CAPN5: variants seen among roughly 807,000 people sequenced by gnomAD.
CAPN5 encodes calpain 5.
A neutral mutation model predicts 73.0 loss-of-function variants in CAPN5; 54 were observed. The observed-to-expected ratio is 0.74, with a 90% CI of 0.59 to 0.93. The LOEUF is 0.93. Among genes scored for constraint, CAPN5 ranks in the 40% least tolerant of loss-of-function variants. The pLI is 0.00. For synonymous variants in CAPN5, 335 were observed against 356.9 expected, an observed-to-expected ratio of 0.94 and a Z score of 0.69; for missense variants, 785 against 882.9, an observed-to-expected ratio of 0.89 and a Z score of 1.41.
At chr11:77,087,023 C>G (rs1433445884) in intron 2 of CAPN5, among the ~76,000 whole-genome samples, 3 of 152,224 alleles carry the variant, frequency 2.0e-5, no homozygotes, top group Non-Finnish European at 4.4e-5. Context: ...GCAGAGCTGC[C>G]CTGCCCTGGA....
intron 3 of CAPN5, among the ~76,000 whole-genome samples, chr11:77,100,710 CTGG>C (rs1950275178): frequency 6.6e-6 from 1 of 152,354 alleles, no homozygotes; most frequent in East Asian, 1.9e-4. Context: ...GCCAGCTGCC[CTGG>C]CCAGTCACCT....
At chr11:77,084,685 C>T (rs782807388) in intron 1 of CAPN5, among the ~76,000 whole-genome samples, 167 bp from the exon 2 acceptor site, 18 of 152,172 alleles carry the variant, frequency 1.2e-4, no homozygotes, top group South Asian at 2.1e-4. Context: ...TCAGGCCGGT[C>T]GGTGTCTGTC....
Position 77,121,931 on chromosome 11 carries a change from C to T in CAPN5, c.1488-3C>T. 5 of 1,530,362 alleles carry T rather than the reference C, an allele frequency of 3.3e-6. No homozygotes were observed. The highest frequency in any genetic ancestry group is 4.4e-6 in the Non-Finnish European group (5 of 1,134,774). The allele number at this position is 1,530,362 out of a possible 1,614,324, so 94.8% of individuals were successfully genotyped here. On this transcript the variant is annotated splice_polypyrimidine_tract_variant and splice_region_variant and intron_variant, in intron 10 of 12. Transcript: ENST00000648180. Reference sequence around the variant, plus strand: ...TCCCCTCTCCCCTGCCGCCCCATATCAGGGAGCTGCGCCTGGATGAGCCCC... The same window carrying T: ...TCCCCTCTCCCCTGCCGCCCCATATTAGGGAGCTGCGCCTGGATGAGCCCC...
intron 1 of CAPN5, among the ~76,000 whole-genome samples, chr11:77,082,215 G>C (rs1950034955): frequency 6.6e-6 from 1 of 152,128 alleles, no homozygotes; most frequent in African/African-American, 2.4e-5. Flanking sequence ...CAGAGCTTCA[G>C]CCCAGGGTGG....
intron 3 of CAPN5, among the ~76,000 whole-genome samples, chr11:77,099,789 G>A (rs1950265356): frequency 6.6e-6 from 1 of 151,634 alleles, no homozygotes; most frequent in Non-Finnish European, 1.5e-5. Context: ...GAGGGAGAGG[G>A]AGTTCCTTCT....
chr11:77,085,096 C>T (rs781907151), intron 2 of CAPN5, 45 bp downstream of exon 2: 28 of 1,567,286 alleles, frequency 1.8e-5, no homozygotes, highest in Non-Finnish European at 2.3e-5. Flanking sequence ...GGGCCCAGGC[C>T]CACCCACAAG....
Position 77,116,039 on chromosome 11 carries a change from T to C in CAPN5, c.894-187T>C, listed in dbSNP as rs369440668. ...GTCATGGTGGCAGCTCACGGTCCCT[T>C]GTGGGAGGAGACAGGCAGGGCTTCC... On this transcript the variant is annotated intron_variant, in intron 6 of 12. Coordinates refer to ENST00000648180, the MANE Select transcript of CAPN5 (RefSeq NM_004055.5). 2.6e-5 allele frequency among the ~76,000 whole-genome samples: 4 copies of C among 151,932 alleles called. No individual in the cohort carries two copies. The East Asian group carries it at 5.8e-4, about 22-fold the overall frequency.
intron 1 of CAPN5, among the ~76,000 whole-genome samples, chr11:77,067,829 C>A (rs1949861249): frequency 6.6e-6 from 1 of 152,038 alleles, no homozygotes; most frequent in African/African-American, 2.4e-5. Context: ...GCGACGTTCT[C>A]TCTCCCAGTC....
At chr11:77,087,029 C>T (rs1323230362) in intron 2 of CAPN5, among the ~76,000 whole-genome samples, 1 of 152,224 alleles carries the variant, frequency 6.6e-6, no homozygotes, top group African/African-American at 2.4e-5. Flanking sequence ...CTGCCCTGCC[C>T]TGGATGTGGG....
At chr11:77,105,853 C>A (rs1950341019) in intron 3 of CAPN5, among the ~76,000 whole-genome samples, 1 of 152,202 alleles carries the variant, frequency 6.6e-6, no homozygotes, top group Non-Finnish European at 1.5e-5. Flanking sequence ...CTCTGAAGCG[C>A]ACTCATTTTT....
intron 3 of CAPN5, among the ~76,000 whole-genome samples, chr11:77,110,434 G>A (rs1950400250): frequency 6.6e-6 from 1 of 152,146 alleles, no homozygotes; most frequent in South Asian, 2.1e-4. Flanking sequence ...TACTTAGAAA[G>A]GGCACAGAGT....
chr11:77,116,889 G>C (rs782391923), intron 7 of CAPN5, among the ~76,000 whole-genome samples: 1 of 152,218 alleles, frequency 6.6e-6, no homozygotes, highest in African/African-American at 2.4e-5. Flanking sequence ...GTTTGAGAAG[G>C]GAGCTAAGCA....
chr11:77,093,955 C>A, intron 3 of CAPN5, 142 bp downstream of exon 3: 1 of 1,199,470 alleles, frequency 8.3e-7, no homozygotes. Flanking sequence ...GCCCCCAGTA[C>A]TGGCCGAGCG....
chr11:77,118,230 A>G lies in CAPN5; in HGVS notation c.1045A>G (p.Ser349Gly). 6.2e-7 allele frequency: 1 copy of G among 1,614,104 alleles called. No individual in the cohort carries two copies. The highest frequency in any genetic ancestry group is 2.2e-5 in the East Asian group (1 of 44,878). The stretch of plus-strand genomic sequence containing the variant: ...CCGCGTGATCAACACATCCCACCTG[A>G]GCATCCACAAGACGTGGGAGGAGGC... Reference protein sequence around the residue: ...KCRVINTSHLSIHKTWEEARL... With the variant: ...KCRVINTSHLGIHKTWEEARL... Residue 349 changes from serine to glycine, a missense_variant, in exon 8 of 13, where the codon AGC becomes GGC. Transcript: ENST00000648180.
intron 12 of CAPN5, 86 bp downstream of exon 12, chr11:77,122,798 T>G: frequency 6.4e-7 from 1 of 1,555,276 alleles, no homozygotes; most frequent in South Asian, 1.1e-5. Flanking sequence ...TGGAAGACCC[T>G]CTGACGAGGA....
At chr11:77,120,641 G>T in intron 9 of CAPN5, 72 bp from the exon 10 acceptor site, 1 of 975,712 alleles carries the variant, frequency 1.0e-6, no homozygotes, top group Non-Finnish European at 1.6e-6. Flanking sequence ...ATGGTGGTGA[G>T]GGGGAGGCGG....
chr11:77,120,345 G>C (rs1220072049), intron 9 of CAPN5: 1 of 167,086 alleles, frequency 6.0e-6, no homozygotes, highest in Non-Finnish European at 1.3e-5. Flanking sequence ...ACTGCGCCCA[G>C]CCTCCTTTAA....
At chr11:77,094,480 C>A (rs1051383483) in intron 3 of CAPN5, among the ~76,000 whole-genome samples, 1 of 152,248 alleles carries the variant, frequency 6.6e-6, no homozygotes, top group Non-Finnish European at 1.5e-5. Flanking sequence ...GGCAGCAGGG[C>A]CTTAGATTCC....
intron 2 of CAPN5, among the ~76,000 whole-genome samples, chr11:77,085,833 T>C (rs1950080010): frequency 6.6e-6 from 1 of 152,118 alleles, no homozygotes; most frequent in Non-Finnish European, 1.5e-5. Flanking sequence ...GAGGGGAGGC[T>C]GCAGGAGGTT....
Sources: gnomAD v4.1 joint callset for allele counts (sites outside exome capture counted in the v4.1 genomes callset) on GRCh38, gnomAD v4.1.1 for gene constraint, MANE v1.5 for transcripts, NCBI Gene and HGNC (gene_info 2026-07-23, HGNC 2026-07-21) for gene names.